The following DNM1 variants were observed in gnomAD, a reference collection of about 807,000 sequenced individuals.
DNM1 encodes dynamin 1.
DNM1 carries 29 observed loss-of-function variants against 104.6 expected under a neutral mutation model. That is an observed-to-expected ratio of 0.28 (90% confidence interval 0.21 to 0.38). DNM1 has a LOEUF of 0.38. Ranked by LOEUF, DNM1 falls within the 10% of genes least tolerant of loss-of-function variation. DNM1 has a pLI of 1.00. For synonymous variants in DNM1, 445 were observed against 475.8 expected, an observed-to-expected ratio of 0.94 and a Z score of 0.84; for missense variants, 640 against 1,189.4, an observed-to-expected ratio of 0.54 and a Z score of 6.79.
intron 10 of DNM1, among the ~76,000 whole-genome samples, chr9:128,230,501 A>G (rs539873905): frequency 6.7e-6 from 1 of 149,254 alleles, no homozygotes; most frequent in East Asian, 2.0e-4. Flanking sequence ...CCCAGGCTGG[A>G]GTGCAATGGC....
chr9:128,224,460 C>T lies in DNM1; in HGVS notation c.1335+71C>T. The T allele has an allele frequency of 6.8e-7, 1 of 1,479,836 alleles. No individual in the cohort carries two copies. The highest frequency in any genetic ancestry group is 9.2e-7 in the Non-Finnish European group (1 of 1,085,512). The allele number at this position is 1,479,836 out of a possible 1,614,324, so 91.7% of individuals were successfully genotyped here. The stretch of plus-strand genomic sequence containing the variant: ...TGCACTGCTGCCAGGCGCTCCTTCC[C>T]CATGTCCCCCCCTGCCTCCTCGGTA... On this transcript the variant is annotated intron_variant, in intron 10 of 21. Transcript: ENST00000372923. The surrounding 1 kb of genome is among the most constrained non-coding windows in gnomAD (Gnocchi z 4.3).
Position 128,224,141 on chromosome 9 carries a change from G to A in DNM1, c.1197-110G>A. The A allele has an allele frequency of 2.1e-6, 3 of 1,411,018 alleles. No individual in the cohort carries two copies. The highest frequency in any genetic ancestry group is 1.4e-5 in the African/African-American group (1 of 70,132). The allele number at this position is 1,411,018 out of a possible 1,614,324, so 87.4% of individuals were successfully genotyped here. On this transcript the variant is annotated intron_variant, in intron 9 of 21. Transcript: ENST00000372923. The surrounding 1 kb of genome is among the most constrained non-coding windows in gnomAD (Gnocchi z 4.3). ...ACACTGAGGCCCAGAGAGGGGTAGTGGAAGGGCCCCTCAGGCAGAGTTCGT... is the reference window on the plus strand; with the variant it reads ...ACACTGAGGCCCAGAGAGGGGTAGTAGAAGGGCCCCTCAGGCAGAGTTCGT...
Position 128,247,230 on chromosome 9 carries a change from T to TGAGA in DNM1, c.1782-143_1782-140dup, listed in dbSNP as rs35149422. 178,947 of 546,798 alleles carry TGAGA rather than the reference T, an allele frequency of 0.33. 35,259 individuals are homozygous for TGAGA. The highest frequency in any genetic ancestry group is 0.68 in the African/African-American group (35,954 of 53,012). 33.9% of individuals were successfully genotyped at this position (546,798 alleles called of 1,614,324 possible). ...ATCTTCCCAGTGAGGAAACTGAGGC[T>TGAGA]GAGAGGAAGGGACTTGCACAGGGTC... On this transcript the variant is annotated intron_variant, in intron 16 of 21. Coordinates refer to ENST00000372923, the MANE Select transcript of DNM1 (RefSeq NM_004408.4). The surrounding 1 kb of genome is among the most constrained non-coding windows in gnomAD (Gnocchi z 5.1).
rs1259200706 is a variant in DNM1, at chr9:128,218,841, C to T, written c.385+110C>T. 1 of 1,405,452 alleles carries T rather than the reference C, an allele frequency of 7.1e-7. No individual in the cohort carries two copies. Among genetic ancestry groups the T allele is most frequent in the East Asian group, 2.5e-5 (1 of 40,020 alleles). 87.1% of individuals were successfully genotyped at this position (1,405,452 alleles called of 1,614,324 possible). A position where few individuals can be genotyped will look rare whatever the true frequency, so the allele number is the denominator to read the frequency against. ...CGCCCCTAGAATGACCCTGCCTCTGCATCATCCTATTCCAAGCTCCACCCT... is the reference window on the plus strand; with the variant it reads ...CGCCCCTAGAATGACCCTGCCTCTGTATCATCCTATTCCAAGCTCCACCCT... On this transcript the variant is annotated intron_variant, in intron 3 of 21. Transcript: ENST00000372923. The surrounding 1 kb of genome is among the most constrained non-coding windows in gnomAD (Gnocchi z 4.8).
chr9:128,215,370 G>A (rs1834541247), intron 1 of DNM1, among the ~76,000 whole-genome samples: 1 of 152,270 alleles, frequency 6.6e-6, no homozygotes, highest in Non-Finnish European at 1.5e-5. Context: ...CAGCATGCCT[G>A]AGGAGCATGC....
At position 128,246,504 on chromosome 9, in the gene DNM1, G is replaced by A; in HGVS notation, c.1781+1G>A. On this transcript the variant is annotated splice_donor_variant, in intron 16 of 21. Coordinates refer to ENST00000372923, the MANE Select transcript of DNM1 (RefSeq NM_004408.4). LOFTEE classifies it high-confidence loss of function. ...TTGCCCTCTTTAACACGGAGCAGAG[G>A]TGCCTGCCTGCCCCTGGCTGTGGCT... is the stretch of plus-strand genomic sequence containing the variant. 1.2e-6 allele frequency: 2 copies of A among 1,612,088 alleles called. No homozygotes were observed. Among genetic ancestry groups the A allele is most frequent in the Non-Finnish European group, 1.7e-6 (2 of 1,178,280 alleles).
rs1829708757 is a variant in DNM1 at position 128,254,194 on chromosome 9, C to G, written c.2535-460C>G. 1.5e-6 allele frequency: 2 copies of G among 1,322,224 alleles called. No homozygotes were observed. Among genetic ancestry groups the G allele is most frequent in the East Asian group, 3.1e-5 (1 of 32,516 alleles). 81.9% of individuals were successfully genotyped at this position (1,322,224 alleles called of 1,614,324 possible). ...GCCTCCGGCGCTCCCTCCAGCCATCCCTTTTAGTTTCACCCTCCTGGTTCA... is the reference window on the plus strand; with the variant it reads ...GCCTCCGGCGCTCCCTCCAGCCATCGCTTTTAGTTTCACCCTCCTGGTTCA... On this transcript the variant is annotated intron_variant, in intron 21 of 21. Coordinates refer to ENST00000372923, the MANE Select transcript of DNM1 (RefSeq NM_004408.4). This position sits in a 1 kb window ranked among gnomAD's most constrained non-coding sequence, Gnocchi z 6.1.
intron 11 of DNM1, among the ~76,000 whole-genome samples, chr9:128,235,127 C>T (rs1022707468): frequency 7.9e-5 from 12 of 152,020 alleles, no homozygotes; most frequent in African/African-American, 2.2e-4. Context: ...AGGGACCTCA[C>T]GTAAGTGGAG....
chr9:128,239,766 C>T lies in DNM1; in HGVS notation c.1532C>T (p.Thr511Ile), dbSNP rs1418432768. The T allele has an allele frequency of 1.2e-6, 2 of 1,613,794 alleles. No homozygotes were observed. Among genetic ancestry groups the T allele is most frequent in the East Asian group, 4.5e-5 (2 of 44,860 alleles). Reference sequence around the variant, plus strand: ...AGCAACCAGATGAACAAGAAGAAGACTTCAGGGAACCAGGTGAGTGGGGCC... The same window carrying T: ...AGCAACCAGATGAACAAGAAGAAGATTTCAGGGAACCAGGTGAGTGGGGCC... The part of the protein sequence containing the change: ...QRSNQMNKKK[T>I]SGNQDEILVI... The change falls in exon 13 of 22, where the codon ACT becomes ATT. Residue 511 changes from threonine (T) to isoleucine (I), a missense_variant. Coordinates refer to ENST00000372923, the MANE Select transcript of DNM1 (RefSeq NM_004408.4).
rs1246552888 is a variant in DNM1 at position 128,245,496 on chromosome 9, C to G, written c.1672-898C>G. On this transcript the variant is annotated intron_variant, in intron 15 of 21. Coordinates refer to ENST00000372923, the MANE Select transcript of DNM1 (RefSeq NM_004408.4). This position sits in a 1 kb window ranked among gnomAD's most constrained non-coding sequence, Gnocchi z 5.2. ...CTCCCTAGATCCCTGAACCCCTCCC[C>G]TGGGACACAGCAGCCTACATACACA... is the stretch of plus-strand genomic sequence containing the variant. Among the ~76,000 whole-genome samples the G allele has an allele frequency of 1.3e-5, 2 of 152,092 alleles. No homozygotes were observed. The highest frequency in any genetic ancestry group is 2.9e-5 in the Non-Finnish European group (2 of 68,006).
chr9:128,231,194 CTTTTTT>C (rs72047067), intron 10 of DNM1, among the ~76,000 whole-genome samples: 22 of 68,512 alleles, frequency 3.2e-4, no homozygotes, highest in African/African-American at 1.2e-3. Flanking sequence ...ATACTTTTGC[CTTTTTT>C]TTTTTTTTTT....
intron 21 of DNM1, chr9:128,251,357 G>C (rs879217093): frequency 9.8e-5 from 34 of 348,578 alleles, no homozygotes; most frequent in South Asian, 7.2e-4. Flanking sequence ...TCTGAACCCC[G>C]ATCTGCTCTG....
Position 128,203,751 on chromosome 9 carries a change from G to T in DNM1, c.161+120G>T. On this transcript the variant is annotated intron_variant, in intron 1 of 21. Transcript: ENST00000372923. The surrounding 1 kb of genome is among the most constrained non-coding windows in gnomAD (Gnocchi z 5.3). ...CCGACGCTGCACCCGCGGCCGGCGC[G>T]CCCCCCACCCCCAGCCGGAGCGAGG... 2 of 930,526 alleles carry T rather than the reference G, an allele frequency of 2.1e-6. No homozygotes were observed. The highest frequency in any genetic ancestry group is 3.9e-5 in the South Asian group (1 of 25,622). The allele number at this position is 930,526 out of a possible 1,614,324, so 57.6% of individuals were successfully genotyped here.
At chr9:128,219,485 C>G (rs1834811476) in intron 4 of DNM1, among the ~76,000 whole-genome samples, 1 of 147,302 alleles carries the variant, frequency 6.8e-6, no homozygotes. Flanking sequence ...GCTGGGCAAC[C>G]TAGTGAGACC....
intron 15 of DNM1, among the ~76,000 whole-genome samples, chr9:128,246,001 C>T (rs1836781540): frequency 6.6e-6 from 1 of 152,226 alleles, no homozygotes; most frequent in African/African-American, 2.4e-5. Context: ...TCTGGTGGCC[C>T]CCCTTCCTGG....
chr9:128,225,884 C>G (rs1475694329), intron 10 of DNM1: 1 of 717,134 alleles, frequency 1.4e-6, no homozygotes, highest in East Asian at 2.6e-5. Context: ...TTCTCTCTCT[C>G]TCTTTATCTG....
intron 1 of DNM1, among the ~76,000 whole-genome samples, chr9:128,216,160 A>G (rs766289057): frequency 9.2e-5 from 14 of 151,816 alleles, no homozygotes; most frequent in Non-Finnish European, 1.6e-4. Context: ...GAACTGTCTG[A>G]CTCATCATCT....
chr9:128,224,511 G>C lies in DNM1; in HGVS notation c.1335+122G>C, dbSNP rs1835226721. ...GCATGTACAGACCTCAGCGGGGTGG[G>C]GAGGCAGGCCACCACTGAATAGGAG... On this transcript the variant is annotated intron_variant, in intron 10 of 21. Transcript: ENST00000372923. The surrounding 1 kb of genome is among the most constrained non-coding windows in gnomAD (Gnocchi z 4.3). 6.4e-6 allele frequency: 6 copies of C among 934,906 alleles called. No homozygotes were observed. Among genetic ancestry groups the C allele is most frequent in the Non-Finnish European group, 9.2e-6 (6 of 651,780 alleles). The allele number at this position is 934,906 out of a possible 1,614,324, so 57.9% of individuals were successfully genotyped here.
At chr9:128,207,668 C>A (rs1359672835) in intron 1 of DNM1, among the ~76,000 whole-genome samples, 3 of 152,176 alleles carry the variant, frequency 2.0e-5, no homozygotes, top group Non-Finnish European at 4.4e-5. Context: ...TTCCCCAAAC[C>A]CTGCCCAGCT....
Sources: allele counts gnomAD v4.1 joint callset (sites outside exome capture counted in the v4.1 genomes callset), GRCh38; gene constraint gnomAD v4.1.1; non-coding constraint Gnocchi (gnomAD v3.1); transcripts MANE v1.5; gene names NCBI Gene and HGNC (gene_info 2026-07-23, HGNC 2026-07-21).